RNF150: variants seen among roughly 807,000 people sequenced by gnomAD.
The protein encoded by RNF150 is ring finger protein 150.
In RNF150, 24 loss-of-function variants were observed where a neutral mutation model predicts 39.3. The observed-to-expected ratio is 0.61, with a 90% confidence interval of 0.44 to 0.86. The LOEUF is 0.86. Ranked by LOEUF, RNF150 falls within the 40% of genes least tolerant of loss-of-function variation. The pLI, the probability that RNF150 is intolerant of heterozygous loss-of-function variation, is 0.00. For missense variants in RNF150, 502 were observed against 587.8 expected, an observed-to-expected ratio of 0.85 and a Z score of 1.51; for synonymous variants, 255 against 227.3, an observed-to-expected ratio of 1.12 and a Z score of -1.10.
At chr4:141,033,871 C>T (rs1401053467) in intron 1 of RNF150, among the ~76,000 whole-genome samples, 1 of 152,170 alleles carries the variant, frequency 6.6e-6, no homozygotes, top group Admixed American at 6.5e-5. Context: ...GATACACCAT[C>T]ATCCATGCTT....
At chr4:140,976,475 T>C (rs941048645) in intron 1 of RNF150, among the ~76,000 whole-genome samples, 2 of 151,970 alleles carry the variant, frequency 1.3e-5, no homozygotes, top group African/African-American at 4.8e-5. Context: ...TTCCTCCCTG[T>C]TGACCTTTGC....
At chr4:140,899,974 C>CTCTCTCTCTCTCTCTCTCTCTCTGTG (rs1365683071) in intron 6 of RNF150, among the ~76,000 whole-genome samples, 5 of 69,220 alleles carry the variant, frequency 7.2e-5, no homozygotes, top group Admixed American at 1.4e-4. Flanking sequence ...CTCTCTCTCT[C>CTCTCTCTCTCTCTCTCTCTCTCTGTG]TGTGTGTGTG....
At chr4:140,946,704 CTA>C (rs1732327633) in intron 4 of RNF150, among the ~76,000 whole-genome samples, 1 of 152,048 alleles carries the variant, frequency 6.6e-6, no homozygotes, top group Non-Finnish European at 1.5e-5. Flanking sequence ...CAGAGTCTTG[CTA>C]TATTGCCCAG....
intron 3 of RNF150, among the ~76,000 whole-genome samples, chr4:140,948,483 A>G (rs1215280605): frequency 6.6e-6 from 1 of 152,232 alleles, no homozygotes; most frequent in Non-Finnish European, 1.5e-5. Context: ...TTAGAAGCCC[A>G]TAAACCTGGG....
At chr4:141,065,336 G>C (rs947805425) in intron 1 of RNF150, among the ~76,000 whole-genome samples, 1 of 152,086 alleles carries the variant, frequency 6.6e-6, no homozygotes, top group African/African-American at 2.4e-5. Flanking sequence ...AAGTGACAGA[G>C]AGAAATGTAC....
At chr4:140,992,320 T>C (rs974976243) in intron 1 of RNF150, among the ~76,000 whole-genome samples, 2 of 152,034 alleles carry the variant, frequency 1.3e-5, no homozygotes, top group Non-Finnish European at 2.9e-5. Context: ...CTGTGAGCCA[T>C]GATCATGCCA....
At chr4:140,941,732 G>A (rs1732089450) in intron 4 of RNF150, among the ~76,000 whole-genome samples, 2 of 152,100 alleles carry the variant, frequency 1.3e-5, no homozygotes, top group African/African-American at 2.4e-5. Context: ...TGATGTTAGC[G>A]ATAGTCACAG....
At chr4:140,935,007 AAATATAT>A (rs1731786359) in intron 4 of RNF150, among the ~76,000 whole-genome samples, 2 of 105,322 alleles carry the variant, frequency 1.9e-5, no homozygotes, top group Non-Finnish European at 3.7e-5. Flanking sequence ...ATATATATAT[AAATATAT>A]ATATATTATA....
At chr4:140,968,342 T>C (rs1002499309) in intron 1 of RNF150, among the ~76,000 whole-genome samples, 6 of 152,140 alleles carry the variant, frequency 3.9e-5, no homozygotes, top group Admixed American at 3.3e-4. Flanking sequence ...ACAAACACTA[T>C]GAATATTCAA....
intron 1 of RNF150, among the ~76,000 whole-genome samples, chr4:141,190,191 T>C (rs354933): frequency 0.4 from 60,973 of 151,958 alleles, 15,110 homozygotes; most frequent in Non-Finnish European, 0.55. Context: ...ATGAACCAGG[T>C]ACCTCAGTTG....
At chr4:141,047,094 A>G (rs1736606571) in intron 1 of RNF150, among the ~76,000 whole-genome samples, 1 of 152,148 alleles carries the variant, frequency 6.6e-6, no homozygotes, top group African/African-American at 2.4e-5. Flanking sequence ...AAAAATCAGG[A>G]CTAATGCCAA....
At chr4:140,928,312 G>C (rs1287977742) in intron 4 of RNF150, among the ~76,000 whole-genome samples, 2 of 152,068 alleles carry the variant, frequency 1.3e-5, no homozygotes, top group Non-Finnish European at 2.9e-5. Context: ...TTCAGGGAAG[G>C]GCTCCCTAAC....
chr4:141,004,297 G>A (rs1217815063), intron 1 of RNF150, among the ~76,000 whole-genome samples: 3 of 151,772 alleles, frequency 2.0e-5, no homozygotes, highest in African/African-American at 7.3e-5. Context: ...AGAAGGAAAG[G>A]AATGAGATTC....
upstream of RNF150, among the ~76,000 whole-genome samples, chr4:141,134,987 C>G (rs1463517118): frequency 2.0e-5 from 3 of 152,224 alleles, no homozygotes; most frequent in African/African-American, 7.2e-5. Context: ...CTTACCCCTT[C>G]TTTCCTTTGG....
rs765980850 is a variant in RNF150 at position 141,132,647 on chromosome 4, G to A, written c.162C>T (p.Asp54=). 15 of 1,600,636 alleles carry A rather than the reference G, an allele frequency of 9.4e-6. No homozygotes were observed. Among genetic ancestry groups the A allele is most frequent in the South Asian group, 2.2e-5 (2 of 89,802 alleles). The change falls in exon 1 of 7, where the codon GAC becomes GAT. Residue 54 remains aspartate (D), a synonymous_variant. Coordinates refer to ENST00000515673, the MANE Select transcript of RNF150 (RefSeq NM_020724.2). The surrounding 1 kb of genome is among the most constrained non-coding windows in gnomAD (Gnocchi z 4.9). ...VNITYAEPAP[D]PGAGAAGGGG... is the part of the protein sequence containing the mutation. ...CGCCGCCCGCCGCCCCGGCCCCGGG[G>A]TCCGGCGCGGGCTCGGCGTAGGTGA...
intron 1 of RNF150, among the ~76,000 whole-genome samples, chr4:141,015,238 A>G (rs1735226924): frequency 6.6e-6 from 1 of 152,146 alleles, no homozygotes; most frequent in South Asian, 2.1e-4. Flanking sequence ...ATGTTTTTAA[A>G]TCAGGGGGCA....
At chr4:141,105,569 T>G (rs1339680407) in intron 1 of RNF150, among the ~76,000 whole-genome samples, 3 of 152,146 alleles carry the variant, frequency 2.0e-5, no homozygotes, top group African/African-American at 7.2e-5. Context: ...CCTGTGTTGG[T>G]CCCCTCCATC....
chr4:140,918,560 A>G (rs1396533899), intron 5 of RNF150, among the ~76,000 whole-genome samples: 3 of 152,010 alleles, frequency 2.0e-5, no homozygotes, highest in Non-Finnish European at 4.4e-5. Context: ...ACCAACCAAA[A>G]AGAGTCCAGG....
rs182774699 is a variant in RNF150 at position 140,965,740 on chromosome 4, G to C, written c.735+1883C>G. Among the ~76,000 whole-genome samples the C allele has an allele frequency of 8.5e-5, 13 of 152,174 alleles. No homozygotes were observed. The East Asian group carries it at 2.5e-3, about 29-fold the overall frequency. On this transcript the variant is annotated intron_variant, in intron 2 of 6. Transcript: ENST00000515673. ...GTCCAGAGATAGAGAATAAACAAGC[G>C]GTTACCGGAGTGGGGGAGTGGAGAG... is the stretch of plus-strand genomic sequence containing the variant.
Sources: gnomAD v4.1 joint callset for allele counts (sites outside exome capture counted in the v4.1 genomes callset) on GRCh38, gnomAD v4.1.1 for gene constraint, Gnocchi (gnomAD v3.1) non-coding constraint, MANE v1.5 for transcripts, NCBI Gene and HGNC (gene_info 2026-07-23, HGNC 2026-07-21) for gene names.